Variants in CALN1 observed in about 807,000 individuals in gnomAD.
CALN1 encodes the protein calcium-binding protein 8.
In CALN1, 17 loss-of-function variants were observed where a neutral mutation model predicts 30.6. The ratio of observed to expected loss-of-function variants is 0.56; its 90% CI spans 0.38 to 0.83. CALN1 has a LOEUF of 0.83. CALN1 is among the 40% of genes least tolerant of loss of function. CALN1 has a pLI of 0.00. For missense variants in CALN1, 291 were observed against 354.9 expected (o/e 0.82, Z 1.45); for synonymous variants, 156 against 131.4 (o/e 1.19, Z -1.28).
rs1554436708 is a variant in CALN1, at chr7:72,088,784, G to GGAAGGGAAGGAAGGAA, written c.388+17366_388+17367insTTCCTTCCTTCCCTTC. On this transcript the variant is annotated intron_variant, in intron 4 of 6. Transcript: ENST00000395275. ...GAAGGAAGAGAAGTAAGAGAAGGAA[G>GGAAGGGAAGGAAGGAA]GGAAGGAAGGAAGGAGGTTACGGCC... 4.0e-5 allele frequency among the ~76,000 whole-genome samples: 6 copies of GGAAGGGAAGGAAGGAA among 149,018 alleles called. No homozygotes were observed. The East Asian group carries it at 5.9e-4, about 15-fold the overall frequency.
chr7:71,792,819 G>A (rs999739287), intron 6 of CALN1, among the ~76,000 whole-genome samples: 2 of 152,042 alleles, frequency 1.3e-5, no homozygotes, highest in East Asian at 1.9e-4. Context: ...TGCATGACTG[G>A]GCTGAGGGAG....
intron 2 of CALN1, among the ~76,000 whole-genome samples, chr7:72,386,280 G>T: frequency 6.6e-6 from 1 of 152,144 alleles, no homozygotes; most frequent in East Asian, 1.9e-4. Flanking sequence ...TCCCAGGATG[G>T]AATACAGAAT....
rs747120402 is a variant in CALN1, at chr7:71,787,672, T to C, written c.*103A>G. 21 of 1,499,890 alleles carry C rather than the reference T, an allele frequency of 1.4e-5. No homozygotes were observed. The Admixed American group carries it at 2.5e-4, about 18-fold the overall frequency. The allele number at this position is 1,499,890 out of a possible 1,614,324, so 92.9% of individuals were successfully genotyped here. A position where few individuals can be genotyped will look rare whatever the true frequency, so the allele number is the denominator to read the frequency against. ...TGAACGGTTCCATCGTCCGCATCCATCCATAGTCCATAGGTCCGTGTCTGC... is the reference window on the plus strand; with the variant it reads ...TGAACGGTTCCATCGTCCGCATCCACCCATAGTCCATAGGTCCGTGTCTGC... On this transcript the variant is annotated 3_prime_UTR_variant, in exon 7 of 7. Coordinates refer to ENST00000395275, the MANE Select transcript of CALN1 (RefSeq NM_031468.4).
chr7:72,431,764 T>A (rs1254570920), intron 1 of CALN1, among the ~76,000 whole-genome samples: 3 of 149,126 alleles, frequency 2.0e-5, no homozygotes, highest in Non-Finnish European at 3.0e-5. Context: ...ATCTTTGGAG[T>A]CCAGGAGTTC....
At chr7:71,800,405 G>A (rs765568260) in intron 6 of CALN1, among the ~76,000 whole-genome samples, 4 of 152,216 alleles carry the variant, frequency 2.6e-5, no homozygotes, top group African/African-American at 4.8e-5. Flanking sequence ...TCCCTCATAT[G>A]GAAGCGCTGA....
intron 6 of CALN1, among the ~76,000 whole-genome samples, chr7:71,809,113 T>C (rs1311259578): frequency 6.6e-6 from 1 of 152,108 alleles, no homozygotes; most frequent in Non-Finnish European, 1.5e-5. Context: ...GTGTTTAAAT[T>C]TGAGTGACTT....
chr7:72,168,071 T>C (rs1055134008), intron 3 of CALN1, among the ~76,000 whole-genome samples: 1 of 152,228 alleles, frequency 6.6e-6, no homozygotes, highest in Non-Finnish European at 1.5e-5. Flanking sequence ...GCAATCTATG[T>C]TAATGGCCAG....
chr7:72,364,517 C>G (rs1048315355), intron 2 of CALN1, among the ~76,000 whole-genome samples: 1 of 152,146 alleles, frequency 6.6e-6, no homozygotes, highest in South Asian at 2.1e-4. Context: ...AGTTTTGTGT[C>G]TCTCTCTCTT....
At chr7:72,143,933 T>C (rs1010482880) in intron 3 of CALN1, among the ~76,000 whole-genome samples, 11 of 152,100 alleles carry the variant, frequency 7.2e-5, no homozygotes, top group Non-Finnish European at 1.3e-4. Context: ...GCTGAGAGAT[T>C]TTATCACCAC....
In CALN1 at chr7:71,787,387, G is replaced by C. The variant is rs1019416336; in HGVS notation, c.*388C>G. ...GTTGACCCTTGGGTTGAAAGAATGG[G>C]GAGTGGAGGTGACTGTGTGTTCATG... On this transcript the variant is annotated 3_prime_UTR_variant, in exon 7 of 7. Coordinates refer to ENST00000395275, the MANE Select transcript of CALN1 (RefSeq NM_031468.4). 16 of 182,646 alleles carry C rather than the reference G, an allele frequency of 8.8e-5. No individual in the cohort carries two copies. Among genetic ancestry groups the C allele is most frequent in the Non-Finnish European group, 1.7e-4 (14 of 84,362 alleles). The allele number at this position is 182,646 out of a possible 1,614,324, so 11.3% of individuals were successfully genotyped here.
At chr7:71,930,292 T>A (rs1328683469) in intron 5 of CALN1, among the ~76,000 whole-genome samples, 1 of 152,208 alleles carries the variant, frequency 6.6e-6, no homozygotes, top group Non-Finnish European at 1.5e-5. Context: ...GGTGACTCAT[T>A]ATGGCTTTGA....
chr7:72,278,009 G>GGGC lies in CALN1; in HGVS notation c.244+676_244+677insGCC, dbSNP rs1554348536. The stretch of plus-strand genomic sequence containing the variant: ...CCAAATCAACCTAATCCTCTATTCC[G>GGGC]GGGGGGGGGGACTTGTTTTTCCTAT... On this transcript the variant is annotated intron_variant, in intron 3 of 6. Transcript: ENST00000395275. Among the ~76,000 whole-genome samples, 65 of 69,012 alleles carry GGGC rather than the reference G, an allele frequency of 9.4e-4. 1 individual carries two copies. Among genetic ancestry groups the GGGC allele is most frequent in the Non-Finnish European group, 7.0e-4 (19 of 27,014 alleles). The allele number at this position is 69,012 out of a possible 152,430, so 45.3% of individuals were successfully genotyped here.
rs532670446 is a variant in CALN1, at chr7:72,143,520, G to T, written c.245-37226C>A. Among the ~76,000 whole-genome samples, 961 of 152,298 alleles carry T rather than the reference G, an allele frequency of 6.3e-3. 5 individuals are homozygous for T. The highest frequency in any genetic ancestry group is 0.025 in the Admixed American group (388 of 15,298). On this transcript the variant is annotated intron_variant, in intron 3 of 6. Coordinates refer to ENST00000395275, the MANE Select transcript of CALN1 (RefSeq NM_031468.4). ...CTGATTGGTGTACCTGAAAGTGACG[G>T]GGAGAATGGAACCAAGTTGGAAAAC... is the stretch of plus-strand genomic sequence containing the variant.
At chr7:72,419,867 G>C (rs1181001332) in intron 1 of CALN1, among the ~76,000 whole-genome samples, 1 of 152,018 alleles carries the variant, frequency 6.6e-6, no homozygotes, top group Admixed American at 6.6e-5. Context: ...TGAGCTTCAG[G>C]GAAAAGATCA....
At chr7:71,865,110 T>C (rs2116692177) in intron 5 of CALN1, among the ~76,000 whole-genome samples, 1 of 152,274 alleles carries the variant, frequency 6.6e-6, no homozygotes, top group South Asian at 2.1e-4. Flanking sequence ...TAAAATCTGA[T>C]TTTTGATAAT....
intron 3 of CALN1, among the ~76,000 whole-genome samples, chr7:72,248,813 C>A (rs1387195621): frequency 7.3e-6 from 1 of 137,618 alleles, no homozygotes; most frequent in Non-Finnish European, 1.7e-5. Flanking sequence ...TATTAAATTT[C>A]GATCTAGATT....
At chr7:71,803,398 T>C (rs1787419253) in intron 6 of CALN1, among the ~76,000 whole-genome samples, 1 of 152,160 alleles carries the variant, frequency 6.6e-6, no homozygotes, top group Non-Finnish European at 1.5e-5. Context: ...GAATTCCTTT[T>C]GGTGCTGTAG....
At chr7:72,201,121 G>A (rs1195093994) in intron 3 of CALN1, among the ~76,000 whole-genome samples, 1 of 152,168 alleles carries the variant, frequency 6.6e-6, no homozygotes, top group Non-Finnish European at 1.5e-5. Flanking sequence ...CATGTCCTTT[G>A]CAGGCAACAT....
intron 3 of CALN1, among the ~76,000 whole-genome samples, chr7:72,220,121 A>G (rs1793171092): frequency 6.6e-6 from 1 of 151,430 alleles, no homozygotes; most frequent in African/African-American, 2.4e-5. Context: ...TACATGTGCC[A>G]TGCTGGTGTG....
Sources: allele counts gnomAD v4.1 joint callset (sites outside exome capture counted in the v4.1 genomes callset), GRCh38; gene constraint gnomAD v4.1.1; transcripts MANE v1.5; gene names NCBI Gene and HGNC (gene_info 2026-07-23, HGNC 2026-07-21).